KLF12: variants seen among roughly 807,000 people sequenced by gnomAD.
KLF12 encodes the protein KLF transcription factor 12.
In KLF12, 9 loss-of-function variants were observed where a neutral mutation model predicts 37.8. The observed-to-expected ratio is 0.24, with a 90% CI of 0.14 to 0.42. The LOEUF is 0.42. KLF12 is among the 10% of genes least tolerant of loss of function. KLF12 has a pLI of 1.00. For missense variants in KLF12, 411 were observed against 516.0 expected (o/e 0.80, Z 1.97); for synonymous variants, 208 against 202.1 (o/e 1.03, Z -0.25).
chr13:73,832,785 G>A (rs560634769), intron 4 of KLF12, among the ~76,000 whole-genome samples: 1 of 152,082 alleles, frequency 6.6e-6, no homozygotes, highest in Non-Finnish European at 1.5e-5. Context: ...TCTACTTAAG[G>A]TTTGTTAAAG....
chr13:73,692,934 G>C lies in KLF12; in HGVS notation c.*2556C>G, dbSNP rs1382361309. 6.6e-6 allele frequency: 1 copy of C among 152,438 alleles called. No individual in the cohort carries two copies. Among genetic ancestry groups the C allele is most frequent in the Non-Finnish European group, 1.5e-5 (1 of 68,046 alleles). 9.4% of individuals were successfully genotyped at this position (152,438 alleles called of 1,614,324 possible). ...TCCCCAAATCCATCCTATGTTATTA[G>C]AAAAGTGCAACTCATCTAGTTCTGT... On this transcript the variant is annotated 3_prime_UTR_variant, in exon 8 of 8. Coordinates refer to ENST00000377669, the MANE Select transcript of KLF12 (RefSeq NM_007249.5).
intron 1 of KLF12, among the ~76,000 whole-genome samples, chr13:74,001,882 C>T (rs900558971): frequency 5.9e-5 from 9 of 151,982 alleles, no homozygotes; most frequent in African/African-American, 9.7e-5. Flanking sequence ...AAATATTTTG[C>T]GATAATTAGA....
chr13:73,851,725 C>T (rs894687045), intron 3 of KLF12, among the ~76,000 whole-genome samples: 1 of 152,086 alleles, frequency 6.6e-6, no homozygotes, highest in Admixed American at 6.6e-5. Context: ...CACTGTGTGA[C>T]TTAGTGATTA....
the KLF12 span, among the ~76,000 whole-genome samples, chr13:74,239,848 A>T: frequency 1.1e-3 from 168 of 151,630 alleles, no homozygotes; most frequent in African/African-American, 3.9e-3. Context: ...TCTGCACGTG[A>T]GATGGGTCTC....
intron 1 of KLF12, among the ~76,000 whole-genome samples, chr13:74,006,027 C>G (rs893961454): frequency 6.6e-6 from 1 of 152,170 alleles, no homozygotes; most frequent in Admixed American, 6.5e-5. Flanking sequence ...GTCATCTCTC[C>G]TGCCTTAAAA....
chr13:73,787,098 G>C (rs530635325), intron 5 of KLF12, among the ~76,000 whole-genome samples: 3 of 152,216 alleles, frequency 2.0e-5, no homozygotes, highest in Admixed American at 6.5e-5. Flanking sequence ...TTGTTTTCTT[G>C]ATCATTTCTT....
chr13:73,716,713 T>A (rs1299506044), intron 6 of KLF12, among the ~76,000 whole-genome samples: 1 of 152,230 alleles, frequency 6.6e-6, no homozygotes, highest in African/African-American at 2.4e-5. Flanking sequence ...AATAATATCA[T>A]GCTGTTTATA....
At chr13:73,847,384 T>A (rs907062738) in intron 3 of KLF12, among the ~76,000 whole-genome samples, 2 of 152,156 alleles carry the variant, frequency 1.3e-5, no homozygotes, top group African/African-American at 4.8e-5. Flanking sequence ...TACCTAAAAT[T>A]ATATTAAATT....
intron 1 of KLF12, among the ~76,000 whole-genome samples, chr13:74,085,960 A>G (rs1875261836): frequency 6.6e-6 from 1 of 151,882 alleles, no homozygotes; most frequent in Admixed American, 6.6e-5. Flanking sequence ...TTTTAAAATA[A>G]ATTTTACTTT....
At chr13:73,914,929 A>G (rs1046580076) in intron 3 of KLF12, among the ~76,000 whole-genome samples, 2 of 152,102 alleles carry the variant, frequency 1.3e-5, no homozygotes, top group Non-Finnish European at 2.9e-5. Context: ...TAATGCTTAT[A>G]TAACAAATTA....
intron 2 of KLF12, among the ~76,000 whole-genome samples, chr13:73,951,988 T>A (rs1342173019): frequency 6.6e-6 from 1 of 152,226 alleles, no homozygotes; most frequent in South Asian, 2.1e-4. Context: ...GATCCAATCA[T>A]TCTCCAGGAT....
At chr13:74,054,904 GAAAAT>G (rs1225345373) in intron 1 of KLF12, among the ~76,000 whole-genome samples, 1 of 152,104 alleles carries the variant, frequency 6.6e-6, no homozygotes, top group Non-Finnish European at 1.5e-5. Context: ...TAATACTAAA[GAAAAT>G]AAAAGTTCAT....
At chr13:73,713,482 A>C (rs1227050275) in intron 7 of KLF12, among the ~76,000 whole-genome samples, 1 of 152,264 alleles carries the variant, frequency 6.6e-6, no homozygotes, top group Non-Finnish European at 1.5e-5. Flanking sequence ...AGAAAACTGC[A>C]CAGCAGTGAC....
intron 7 of KLF12, among the ~76,000 whole-genome samples, chr13:73,703,795 C>T (rs1315079566): frequency 1.3e-5 from 2 of 152,150 alleles, no homozygotes; most frequent in African/African-American, 2.4e-5. Flanking sequence ...CACCCTGCCT[C>T]TCAACATTTT....
At position 73,911,213 on chromosome 13, in the gene KLF12, AC is replaced by A. The variant is rs567763452; in HGVS notation, c.123+32767del. The stretch of plus-strand genomic sequence containing the variant: ...ATCTCACTGGGCCCCATAAATGTAT[AC>A]AATTATTTGTCAAAAATATTAATAA... On this transcript the variant is annotated intron_variant, in intron 3 of 7. Coordinates refer to ENST00000377669, the MANE Select transcript of KLF12 (RefSeq NM_007249.5). Among the ~76,000 whole-genome samples the A allele has an allele frequency of 2.6e-5, 4 of 152,292 alleles. No individual in the cohort carries two copies. The South Asian group carries it at 8.3e-4, about 32-fold the overall frequency.
At chr13:73,786,667 G>A (rs1315053412) in intron 5 of KLF12, among the ~76,000 whole-genome samples, 3 of 150,794 alleles carry the variant, frequency 2.0e-5, no homozygotes, top group African/African-American at 7.3e-5. Context: ...AGGATTGCTT[G>A]AGCCCAGGAG....
intron 2 of KLF12, among the ~76,000 whole-genome samples, chr13:73,969,010 TCTCC>T (rs1205745018): frequency 7.5e-6 from 1 of 132,778 alleles, no homozygotes; most frequent in Non-Finnish European, 1.6e-5. Context: ...CTCACATCTC[TCTCC>T]CTTACCCCAT....
chr13:74,216,582 C>T, the KLF12 span, among the ~76,000 whole-genome samples: 4 of 152,126 alleles, frequency 2.6e-5, no homozygotes, highest in South Asian at 4.2e-4. Context: ...CATTTATTCT[C>T]GATTTCTAAG....
chr13:73,870,481 A>C (rs567550444), intron 3 of KLF12, among the ~76,000 whole-genome samples: 80 of 152,340 alleles, frequency 5.3e-4, no homozygotes, highest in African/African-American at 1.9e-3. Context: ...CTTGGTATTT[A>C]TTCTGACATA....
Sources: allele counts gnomAD v4.1 joint callset (sites outside exome capture counted in the v4.1 genomes callset), GRCh38; gene constraint gnomAD v4.1.1; transcripts MANE v1.5; gene names NCBI Gene and HGNC (gene_info 2026-07-23, HGNC 2026-07-21).